DPYD: variants seen among roughly 807,000 people sequenced by gnomAD.
The protein encoded by DPYD is dihydropyrimidine dehydrogenase [NADP(+)].
A neutral mutation model predicts 116.2 loss-of-function variants in DPYD; 109 were observed. That is an observed-to-expected ratio of 0.94 (90% CI 0.80 to 1.10). The LOEUF (loss-of-function observed/expected upper bound fraction) is 1.10. Ranked by LOEUF, DPYD falls within the 50% of genes least tolerant of loss-of-function variation. The probability of loss-of-function intolerance (pLI) is 0.00; values close to 1 mark genes in which losing one functional copy is unlikely to be tolerated. For missense variants in DPYD, 1,302 were observed against 1,254.5 expected, an observed-to-expected ratio of 1.04 and a Z score of -0.57; for synonymous variants, 440 against 432.0, an observed-to-expected ratio of 1.02 and a Z score of -0.23.
At chr1:97,718,158 G>A (rs999320177) in intron 5 of DPYD, among the ~76,000 whole-genome samples, 5 of 151,744 alleles carry the variant, frequency 3.3e-5, no homozygotes, top group South Asian at 2.1e-4. Context: ...AATTATGATC[G>A]TTCTTGCAGG....
chr1:97,140,433 T>A (rs1654126807), intron 20 of DPYD, among the ~76,000 whole-genome samples: 1 of 152,012 alleles, frequency 6.6e-6, no homozygotes, highest in Non-Finnish European at 1.5e-5. Context: ...GCAGAAGGTA[T>A]CACCAGGGAG....
chr1:97,247,985 A>T (rs1034108084), intron 18 of DPYD, among the ~76,000 whole-genome samples: 2 of 152,252 alleles, frequency 1.3e-5, no homozygotes, highest in African/African-American at 2.4e-5. Flanking sequence ...ATAGAGGAAG[A>T]ATGAGCCAAT....
chr1:97,460,076 A>C (rs917425440), intron 13 of DPYD, among the ~76,000 whole-genome samples: 2 of 152,206 alleles, frequency 1.3e-5, no homozygotes, highest in Non-Finnish European at 2.9e-5. Context: ...ATTCATTTTT[A>C]CTATATCTTA....
intron 20 of DPYD, among the ~76,000 whole-genome samples, chr1:97,114,360 T>C (rs1169421756): frequency 1.3e-5 from 2 of 152,162 alleles, no homozygotes; most frequent in African/African-American, 4.8e-5. Context: ...GGTTAAAGAC[T>C]ATGTACATTA....
intron 13 of DPYD, among the ~76,000 whole-genome samples, chr1:97,478,359 C>T (rs926508306): frequency 2.0e-5 from 3 of 152,132 alleles, no homozygotes; most frequent in African/African-American, 7.2e-5. Context: ...ATGACCTTAG[C>T]TCACTGCAAC....
At chr1:97,814,223 A>C (rs751284807) in intron 3 of DPYD, among the ~76,000 whole-genome samples, 2 of 152,166 alleles carry the variant, frequency 1.3e-5, no homozygotes, top group African/African-American at 2.4e-5. Context: ...TAGGGATGGA[A>C]AGACGGTTGG....
chr1:97,450,296 C>G (rs1288752076), intron 13 of DPYD, 73 bp from the exon 14 acceptor site: 30 of 1,523,840 alleles, frequency 2.0e-5, no homozygotes, highest in African/African-American at 2.8e-5. Context: ...CTGCTCATTT[C>G]CATATGACAA....
intron 8 of DPYD, among the ~76,000 whole-genome samples, chr1:97,616,153 T>G (rs1419188224): frequency 2.6e-5 from 4 of 152,146 alleles, no homozygotes; most frequent in African/African-American, 7.2e-5. Flanking sequence ...TTTTTTTTTT[T>G]GTCTGGGAAC....
chr1:97,451,974 G>A (rs1007829982), intron 13 of DPYD, among the ~76,000 whole-genome samples: 15 of 152,222 alleles, frequency 9.9e-5, no homozygotes, highest in Admixed American at 3.3e-4. Flanking sequence ...TCTGTATTTA[G>A]TTCACCAAGT....
chr1:97,130,100 T>C (rs1347679945), intron 20 of DPYD, among the ~76,000 whole-genome samples: 1 of 152,166 alleles, frequency 6.6e-6, no homozygotes, highest in Non-Finnish European at 1.5e-5. Flanking sequence ...TGAGCAAACA[T>C]AGATGTGAAA....
At chr1:97,795,649 A>G (rs1341637721) in intron 3 of DPYD, among the ~76,000 whole-genome samples, 3 of 151,920 alleles carry the variant, frequency 2.0e-5, no homozygotes, top group African/African-American at 7.2e-5. Context: ...ACATGTACTC[A>G]CCATTGTAGC....
At chr1:97,430,936 A>G (rs184596254) in intron 14 of DPYD, among the ~76,000 whole-genome samples, 17 of 150,670 alleles carry the variant, frequency 1.1e-4, no homozygotes, top group Middle Eastern at 6.8e-3. Flanking sequence ...GTTCAGAAGG[A>G]AAAAAAAAAT....
Position 97,243,399 on chromosome 1 carries a change from T to G in DPYD, c.2300-8405A>C, listed in dbSNP as rs75810057. 1.1e-3 allele frequency among the ~76,000 whole-genome samples: 170 copies of G among 152,068 alleles called. 1 individual carries two copies. In the East Asian group the frequency reaches 0.03, roughly 27 times the overall value. Reference sequence around the variant, plus strand: ...TTGTGCTGGTCACATTACTATGAAATAGATATTTCTGTCTCTATTTTTATA... The same window carrying G: ...TTGTGCTGGTCACATTACTATGAAAGAGATATTTCTGTCTCTATTTTTATA... On this transcript the variant is annotated intron_variant, in intron 18 of 22. Coordinates refer to ENST00000370192, the MANE Select transcript of DPYD (RefSeq NM_000110.4).
intron 20 of DPYD, among the ~76,000 whole-genome samples, chr1:97,177,525 G>A (rs1290098185): frequency 1.3e-5 from 2 of 151,250 alleles, no homozygotes; most frequent in Non-Finnish European, 2.9e-5. Context: ...TCTAGAACCT[G>A]AACTGTGAAG....
intron 14 of DPYD, among the ~76,000 whole-genome samples, chr1:97,405,643 G>A (rs766111339): frequency 4.6e-5 from 7 of 151,972 alleles, no homozygotes; most frequent in Non-Finnish European, 8.8e-5. Flanking sequence ...AGCCTCCCAA[G>A]TAGCTGGGAT....
chr1:97,674,196 A>C (rs1660021152), intron 8 of DPYD, among the ~76,000 whole-genome samples: 1 of 152,194 alleles, frequency 6.6e-6, no homozygotes. Context: ...TGGTGGTAGC[A>C]AGAAGTAAGT....
intron 3 of DPYD, among the ~76,000 whole-genome samples, chr1:97,805,506 A>G (rs577825487): frequency 6.6e-5 from 10 of 151,988 alleles, no homozygotes; most frequent in African/African-American, 2.2e-4. Context: ...CTTATATTCA[A>G]TCAATCCATG....
At chr1:97,485,080 T>C (rs1442833375) in intron 13 of DPYD, among the ~76,000 whole-genome samples, 1 of 152,236 alleles carries the variant, frequency 6.6e-6, no homozygotes, top group Non-Finnish European at 1.5e-5. Context: ...TGTTTGAGAT[T>C]CATTGAGCTT....
intron 11 of DPYD, among the ~76,000 whole-genome samples, chr1:97,554,365 A>T (rs1390825443): frequency 1.3e-5 from 2 of 152,186 alleles, no homozygotes; most frequent in Non-Finnish European, 2.9e-5. Flanking sequence ...TACAACAGAT[A>T]TCATAATGAA....
Sources: gnomAD v4.1 joint callset for allele counts (sites outside exome capture counted in the v4.1 genomes callset) on GRCh38, gnomAD v4.1.1 for gene constraint, MANE v1.5 for transcripts, NCBI Gene and HGNC (gene_info 2026-07-23, HGNC 2026-07-21) for gene names.